The following HSF5 variants were observed in gnomAD, a reference collection of about 807,000 sequenced individuals.
HSF5 encodes the protein heat shock factor protein 5.
HSF5 carries 5 observed loss-of-function variants against 50.8 expected under a neutral mutation model. The ratio of observed to expected loss-of-function variants is 0.10; its 90% CI spans 0.05 to 0.21. The LOEUF is 0.21. Ranked by LOEUF, HSF5 falls within the 10% of genes least tolerant of loss-of-function variation. The pLI is 1.00. For synonymous variants in HSF5, 307 were observed against 307.4 expected (o/e 1.00, Z 0.02); for missense variants, 564 against 762.6 (o/e 0.74, Z 3.07).
chr17:58,458,440 G>T (rs963639781), intron 5 of HSF5, among the ~76,000 whole-genome samples: 2 of 152,142 alleles, frequency 1.3e-5, no homozygotes, highest in African/African-American at 4.8e-5. Context: ...CAATTTCGAA[G>T]TCTGGCATCT....
intron 1 of HSF5, among the ~76,000 whole-genome samples, chr17:58,483,393 A>G (rs1259715179): frequency 6.6e-6 from 1 of 152,160 alleles, no homozygotes; most frequent in East Asian, 1.9e-4. Context: ...TTTAGCCCTT[A>G]TTTATTCTTC....
At chr17:58,427,742 G>A (rs1974313858) in intron 5 of HSF5, among the ~76,000 whole-genome samples, 1 of 152,102 alleles carries the variant, frequency 6.6e-6, no homozygotes. Context: ...ATTCCATTTT[G>A]AGCTCTCCCC....
rs34994266 is a variant in HSF5 at position 58,460,478 on chromosome 17, T to TAC, written c.1543-1535_1543-1534dup. Among the ~76,000 whole-genome samples, 34 of 137,726 alleles carry TAC rather than the reference T, an allele frequency of 2.5e-4. 2 individuals are homozygous for TAC. The highest frequency in any genetic ancestry group is 3.7e-4 in the Admixed American group (5 of 13,594). The allele number at this position is 137,726 out of a possible 152,430, so 90.4% of individuals were successfully genotyped here. Reference sequence around the variant, plus strand: ...AAACACAGCTTTATATACATATATATACACACACACACACACACACACACA... The same window carrying TAC: ...AAACACAGCTTTATATACATATATATACACACACACACACACACACACACACA... On this transcript the variant is annotated intron_variant, in intron 4 of 5. Transcript: ENST00000323777.
chr17:58,434,162 C>T (rs369614806), intron 5 of HSF5, among the ~76,000 whole-genome samples: 1 of 151,952 alleles, frequency 6.6e-6, no homozygotes, highest in Non-Finnish European at 1.5e-5. Flanking sequence ...ATCCACCCGC[C>T]TCAACCTCCC....
chr17:58,447,013 T>C (rs1974570768), intron 5 of HSF5, among the ~76,000 whole-genome samples: 1 of 152,034 alleles, frequency 6.6e-6, no homozygotes, highest in Non-Finnish European at 1.5e-5. Flanking sequence ...TAGTCCCAGC[T>C]ACTTGGGAGG....
chr17:58,482,358 G>A (rs1006732671), intron 1 of HSF5, among the ~76,000 whole-genome samples: 4 of 152,000 alleles, frequency 2.6e-5, no homozygotes, highest in African/African-American at 9.7e-5. Flanking sequence ...AGCACTTTGC[G>A]AGGCCAAGGC....
intron 5 of HSF5, 139 bp from the exon 6 acceptor site, chr17:58,422,569 A>G: frequency 1.7e-6 from 1 of 584,288 alleles, no homozygotes; most frequent in South Asian, 2.5e-5. Flanking sequence ...CAGATTCTCA[A>G]TTTCGGGATA....
intron 5 of HSF5, among the ~76,000 whole-genome samples, chr17:58,450,537 T>C (rs1974625117): frequency 6.6e-6 from 1 of 151,690 alleles, no homozygotes. Flanking sequence ...GTGGATCACC[T>C]GAGGTCGGGA....
rs776128232 is a variant in HSF5, at chr17:58,487,787, G to T, written c.488C>A (p.Ala163Asp). The change falls in exon 1 of 6, where the codon GCC becomes GAC. Residue 163 changes from alanine (A) to aspartate (D), a missense_variant. Physicochemically the swap from Ala to Asp is moderately radical, Grantham distance 126 (BLOSUM62 -2). Transcript: ENST00000323777. ...CTGCTGGTGCTGCAGTGGCGCGGTG[G>T]CGGCGGAGGCCGAGGTGATGAGCAG... is the stretch of plus-strand genomic sequence containing the variant. ...QRLLITSASA[A>D]TAPLQHQQPP... 6.6e-7 allele frequency: 1 copy of T among 1,507,008 alleles called. No individual in the cohort carries two copies. The highest frequency in any genetic ancestry group is 8.8e-7 in the Non-Finnish European group (1 of 1,137,030). 93.4% of individuals were successfully genotyped at this position (1,507,008 alleles called of 1,614,324 possible).
chr17:58,481,150 T>C (rs1975093789), intron 1 of HSF5, among the ~76,000 whole-genome samples: 1 of 152,220 alleles, frequency 6.6e-6, no homozygotes, highest in Admixed American at 6.5e-5. Flanking sequence ...TTTGACTTAG[T>C]TTCCTCCTTC....
At chr17:58,429,858 T>A (rs1162417702) in intron 5 of HSF5, among the ~76,000 whole-genome samples, 8 of 136,152 alleles carry the variant, frequency 5.9e-5, no homozygotes, top group Admixed American at 1.5e-4. Context: ...AAAAAAAAAA[T>A]TAAATGTTTA....
In HSF5 at chr17:58,480,805, A is replaced by ATCTATCTG. The variant is rs1555644442; in HGVS notation, c.551-539_551-538insCAGATAGA. On this transcript the variant is annotated intron_variant, in intron 1 of 5. Transcript: ENST00000323777. ...TATCTATCTATCTATCTATCTATCT[A>ATCTATCTG]GCAACCGGGTCTCACTCTGTTGCCC... Among the ~76,000 whole-genome samples the ATCTATCTG allele has an allele frequency of 4.0e-5, 6 of 151,704 alleles. No homozygotes were observed. The East Asian group carries it at 5.8e-4, about 15-fold the overall frequency.
intron 1 of HSF5, among the ~76,000 whole-genome samples, chr17:58,483,341 T>G (rs752937319): frequency 3.9e-5 from 6 of 152,348 alleles, no homozygotes; most frequent in South Asian, 2.1e-4. Flanking sequence ...TAAAAGAACA[T>G]TCTTTTAAGT....
At chr17:58,468,858 A>C (rs996580736) in intron 2 of HSF5, among the ~76,000 whole-genome samples, 2 of 152,156 alleles carry the variant, frequency 1.3e-5, no homozygotes, top group Non-Finnish European at 2.9e-5. Flanking sequence ...TGACTTTAAA[A>C]GGCCATATAT....
intron 3 of HSF5, among the ~76,000 whole-genome samples, chr17:58,464,839 G>A (rs1974839916): frequency 1.3e-5 from 2 of 151,960 alleles, no homozygotes; most frequent in African/African-American, 4.8e-5. Context: ...CGCCATGTTG[G>A]CCAGGCTGGT....
At chr17:58,437,262 G>A (rs1974439656) in intron 5 of HSF5, among the ~76,000 whole-genome samples, 1 of 151,990 alleles carries the variant, frequency 6.6e-6, no homozygotes, top group Non-Finnish European at 1.5e-5. Flanking sequence ...CTTGGTATAG[G>A]GTAAGTTTAT....
Position 58,439,021 on chromosome 17 carries a change from G to A in HSF5, c.1721-16591C>T, listed in dbSNP as rs371532173. On this transcript the variant is annotated intron_variant, in intron 5 of 5. Coordinates refer to ENST00000323777, the MANE Select transcript of HSF5 (RefSeq NM_001080439.3). ...GTAGTCCCAGCTACTTCTTTGGGGG[G>A]TTGGGGGTAGGTTGGTTGAGGTGGG... 2.6e-5 allele frequency among the ~76,000 whole-genome samples: 4 copies of A among 152,050 alleles called. 1 individual carries two copies. Among genetic ancestry groups the A allele is most frequent in the Admixed American group, 1.3e-4 (2 of 15,264 alleles).
rs144655397 is a variant in HSF5, at chr17:58,425,590, A to C, written c.1721-3160T>G. On this transcript the variant is annotated intron_variant, in intron 5 of 5. Coordinates refer to ENST00000323777, the MANE Select transcript of HSF5 (RefSeq NM_001080439.3). ...ACCTCTATCTCAAAAAAAAAAAAAA[A>C]AAAAAAAAAAAACAGGTTAAAATGG... Among the ~76,000 whole-genome samples, 1,013 of 150,696 alleles carry C rather than the reference A, an allele frequency of 6.7e-3. 46 individuals are homozygous for C. The East Asian group carries it at 0.11, about 17-fold the overall frequency.
At chr17:58,431,144 G>A (rs1160625100) in intron 5 of HSF5, among the ~76,000 whole-genome samples, 1 of 152,180 alleles carries the variant, frequency 6.6e-6, no homozygotes, top group Non-Finnish European at 1.5e-5. Context: ...TGTGAAACAT[G>A]CCTTTCACCT....
Sources: gnomAD v4.1 joint callset for allele counts (sites outside exome capture counted in the v4.1 genomes callset) on GRCh38, gnomAD v4.1.1 for gene constraint, MANE v1.5 for transcripts, NCBI Gene and HGNC (gene_info 2026-07-23, HGNC 2026-07-21) for gene names.